The following FN1 variants were observed in gnomAD, a reference collection of about 807,000 sequenced individuals.
The protein encoded by FN1 is fibronectin.
In FN1, 106 loss-of-function variants were observed where a neutral mutation model predicts 297.3. The ratio of observed to expected loss-of-function variants is 0.36; its 90% confidence interval spans 0.30 to 0.42. The LOEUF is 0.42. Ranked by LOEUF, FN1 falls within the 10% of genes least tolerant of loss-of-function variation. The pLI is 1.00. For synonymous variants in FN1, 1,149 were observed against 1,152.6 expected (o/e 1.00, Z 0.06); for missense variants, 2,690 against 3,124.9 (o/e 0.86, Z 3.32).
intron 23 of FN1, 30 bp from the exon 24 acceptor site, chr2:215,394,749 C>T (rs1426663266): frequency 2.6e-6 from 4 of 1,553,032 alleles, no homozygotes; most frequent in South Asian, 2.2e-5. Context: ...GAAGTTATTG[C>T]ACAGAGGATC....
In FN1 at chr2:215,383,430, T is replaced by G. The variant is rs776472843; in HGVS notation, c.4948A>C (p.Ser1650Arg). Residue 1650 changes from serine (S) to arginine (R), a missense_variant, in exon 31 of 46, where the codon AGT becomes CGT. By Grantham distance (110) the Ser-to-Arg change is moderately radical (BLOSUM62 -1). This residue lies in a region of FN1 where 1,743 missense variants were observed against 1,945.2 expected (regional missense o/e 0.90). Transcript: ENST00000354785. Reference protein sequence around the residue: ...QVTDVQDNSISVKWLPSSSPV... With the variant: ...QVTDVQDNSIRVKWLPSSSPV... ...GAACTTGAAGGCAGCCACTTGACAC[T>G]AATGCTGTTGTCCTGAACATCGGTC... 1.9e-6 allele frequency: 3 copies of G among 1,614,122 alleles called. No homozygotes were observed. The Admixed American group carries it at 5.0e-5, about 27-fold the overall frequency.
At chr2:215,378,016 C>T (rs1044363134) in intron 35 of FN1, among the ~76,000 whole-genome samples, 159 bp downstream of exon 35, 3 of 151,882 alleles carry the variant, frequency 2.0e-5, no homozygotes, top group African/African-American at 4.8e-5. Flanking sequence ...GCTATTTGCC[C>T]GGGTAGGTCT....
intron 32 of FN1, chr2:215,381,406 C>T (rs1215929648): frequency 2.6e-6 from 1 of 385,256 alleles, no homozygotes; most frequent in Admixed American, 4.0e-5. Flanking sequence ...TCTCATAGAC[C>T]TGGATTTTCT....
chr2:215,367,388 A>G (rs1243254774), intron 42 of FN1, among the ~76,000 whole-genome samples: 2 of 152,162 alleles, frequency 1.3e-5, no homozygotes, highest in East Asian at 1.9e-4. Context: ...TACCTGGGCT[A>G]TGTGTGTGAC....
intron 41 of FN1, among the ~76,000 whole-genome samples, chr2:215,368,494 T>G (rs1403291945): frequency 1.3e-5 from 2 of 152,210 alleles, no homozygotes; most frequent in African/African-American, 4.8e-5. Context: ...TTGTGAAGAT[T>G]ATATAAGGCC....
rs374704249 is a variant in FN1 at position 215,406,520 on chromosome 2, A to G, written c.2714-10T>C. ...GGAGAGGGCACTGTATCTGACAGAC[A>G]AGAGTCAACTGGTCATTCACATTCT... On this transcript the variant is annotated splice_polypyrimidine_tract_variant and intron_variant, in intron 18 of 45. Transcript: ENST00000354785. The G allele has an allele frequency of 1.7e-5, 27 of 1,608,452 alleles. No individual in the cohort carries two copies. In the African/African-American group the frequency reaches 3.3e-4, roughly 20 times the overall value.
At chr2:215,368,069 T>G in intron 41 of FN1, 42 bp from the exon 42 acceptor site, 1 of 1,601,548 alleles carries the variant, frequency 6.2e-7, no homozygotes, top group Non-Finnish European at 8.6e-7. Flanking sequence ...GACATCTTAT[T>G]AATCGATTTG....
chr2:215,384,819 C>G (rs772580771), intron 29 of FN1, 41 bp downstream of exon 29: 3 of 1,326,352 alleles, frequency 2.3e-6, no homozygotes, highest in African/African-American at 2.9e-5. Flanking sequence ...ACAACAGAAT[C>G]TGATTTAATC....
intron 43 of FN1, among the ~76,000 whole-genome samples, 198 bp from the exon 44 acceptor site, chr2:215,365,183 G>A (rs1248483553): frequency 1.3e-5 from 2 of 152,090 alleles, no homozygotes; most frequent in African/African-American, 4.8e-5. Flanking sequence ...CTAATACACT[G>A]GAAAGGGTCC....
At chr2:215,412,611 C>T (rs907031182) in intron 13 of FN1, among the ~76,000 whole-genome samples, 1 of 151,992 alleles carries the variant, frequency 6.6e-6, no homozygotes, top group Non-Finnish European at 1.5e-5. Flanking sequence ...TAATTTTTAG[C>T]CACTGTGCCC....
At chr2:215,399,157 C>T in intron 21 of FN1, 100 bp downstream of exon 21, 1 of 863,820 alleles carries the variant, frequency 1.2e-6, no homozygotes, top group South Asian at 1.3e-5. Context: ...GGTGACAAAA[C>T]CCAGGTCTCC....
intron 21 of FN1, among the ~76,000 whole-genome samples, 177 bp from the exon 22 acceptor site, chr2:215,398,025 G>A (rs1362214696): frequency 6.6e-6 from 1 of 152,236 alleles, no homozygotes; most frequent in Non-Finnish European, 1.5e-5. Flanking sequence ...ATTCCCCCAG[G>A]TGGGGGAGGT....
chr2:215,421,996 C>T (rs979286615), intron 10 of FN1, 95 bp downstream of exon 10: 3 of 1,170,386 alleles, frequency 2.6e-6, no homozygotes, highest in Middle Eastern at 1.9e-4. Flanking sequence ...ATATTTCTTC[C>T]CCTGCTTTTG....
chr2:215,407,971 CACA>C, intron 17 of FN1, 134 bp downstream of exon 17: 1 of 704,408 alleles, frequency 1.4e-6, no homozygotes, highest in Admixed American at 2.0e-5. Flanking sequence ...CACACACACA[CACA>C]CACACAAACC....
intron 10 of FN1, chr2:215,421,202 C>T (rs1427035412): frequency 3.3e-6 from 1 of 299,756 alleles, no homozygotes; most frequent in Non-Finnish European, 6.5e-6. Flanking sequence ...TATCTAACAC[C>T]CAGCATGATG....
In FN1 at chr2:215,408,435, TGAAAA is replaced by T; in HGVS notation, c.2300-14_2300-10del. The T allele has an allele frequency of 1.9e-6, 3 of 1,613,892 alleles. No individual in the cohort carries two copies. The highest frequency in any genetic ancestry group is 2.5e-6 in the Non-Finnish European group (3 of 1,179,918). ...GGCTGTGCTTGGAAGATCTTTGAAA[TGAAAA>T]GAAAAGGTAACTAATCAGAGCAAAC... On this transcript the variant is annotated splice_polypyrimidine_tract_variant and intron_variant, in intron 15 of 45. Coordinates refer to ENST00000354785, the MANE Select transcript of FN1 (RefSeq NM_212482.4).
chr2:215,428,110 A>C, intron 6 of FN1, 70 bp downstream of exon 6: 1 of 1,562,842 alleles, frequency 6.4e-7, no homozygotes, highest in Non-Finnish European at 8.8e-7. Flanking sequence ...TGTCAAAGGA[A>C]AGATGGATTT....
intron 20 of FN1, among the ~76,000 whole-genome samples, 195 bp downstream of exon 20, chr2:215,404,194 G>A (rs148160006): frequency 4.3e-4 from 66 of 152,196 alleles, no homozygotes; most frequent in African/African-American, 1.5e-3. Context: ...TGGCACAACC[G>A]TTTTTCTTGT....
At chr2:215,410,756 C>T (rs1260771212) in intron 13 of FN1, among the ~76,000 whole-genome samples, 4 of 152,184 alleles carry the variant, frequency 2.6e-5, no homozygotes, top group Non-Finnish European at 5.9e-5. Flanking sequence ...ATCCACCCGC[C>T]TCGGACTCCC....
Sources: allele counts gnomAD v4.1 joint callset (sites outside exome capture counted in the v4.1 genomes callset), GRCh38; gene constraint gnomAD v4.1.1; regional missense constraint gnomAD v4.1.1; transcripts MANE v1.5; gene names NCBI Gene and HGNC (gene_info 2026-07-23, HGNC 2026-07-21).